The following RAB7A variants were observed in gnomAD, a reference collection of about 807,000 sequenced individuals.
The protein encoded by RAB7A is ras-related protein Rab-7a.
Under a neutral mutation model 24.5 loss-of-function variants are expected in RAB7A, and 2 were observed. That is an observed-to-expected ratio of 0.08 (90% CI 0.03 to 0.26). RAB7A has a LOEUF of 0.26. RAB7A is among the 10% of genes least tolerant of loss of function. The pLI is 1.00. For synonymous variants in RAB7A, 100 were observed against 95.9 expected, an observed-to-expected ratio of 1.04 and a Z score of -0.25; for missense variants, 118 against 255.7, an observed-to-expected ratio of 0.46 and a Z score of 3.67.
chr3:128,744,356 C>T (rs988584720), intron 1 of RAB7A, among the ~76,000 whole-genome samples: 1 of 152,166 alleles, frequency 6.6e-6, no homozygotes, highest in Admixed American at 6.5e-5. Context: ...TAGATTTGGG[C>T]AGACAGAAAG....
At chr3:128,764,776 A>G in intron 1 of RAB7A, 1 of 830,976 alleles carries the variant, frequency 1.2e-6, no homozygotes, top group Non-Finnish European at 2.1e-6. Context: ...CTGAAGGAAG[A>G]TTTGGCCACC....
intron 1 of RAB7A, among the ~76,000 whole-genome samples, chr3:128,756,267 C>T (rs1355342683): frequency 6.6e-6 from 1 of 151,884 alleles, no homozygotes; most frequent in African/African-American, 2.4e-5. Context: ...CGCTTGGAGG[C>T]AGGAGAATCG....
chr3:128,749,378 T>A (rs961071540), intron 1 of RAB7A: 3 of 152,254 alleles, frequency 2.0e-5, no homozygotes, highest in Admixed American at 6.5e-5. Flanking sequence ...GGAGCTCTGC[T>A]GAGCTTTGTG....
intron 1 of RAB7A, chr3:128,748,859 A>G (rs1316168832): frequency 6.6e-6 from 1 of 152,198 alleles, no homozygotes; most frequent in Non-Finnish European, 1.5e-5. Flanking sequence ...CAGTTCCACA[A>G]AGGTCAGTCT....
chr3:128,731,632 T>A lies in RAB7A; in HGVS notation c.-9+5273T>A, dbSNP rs921364039. Among the ~76,000 whole-genome samples the A allele has an allele frequency of 1.3e-4, 20 of 152,126 alleles. 1 individual carries two copies. Among genetic ancestry groups the A allele is most frequent in the Non-Finnish European group, 7.4e-5 (5 of 68,016 alleles). ...GTCAGTCTAGGTCTGCTAACTCAGT[T>A]CAGTGCTCTTTCTGATGTACCATCC... On this transcript the variant is annotated intron_variant, in intron 1 of 5. Transcript: ENST00000265062.
intron 1 of RAB7A, among the ~76,000 whole-genome samples, chr3:128,763,208 A>ATATATTTTTTTTTTTT (rs373993932): frequency 1.3e-5 from 1 of 76,108 alleles, no homozygotes; most frequent in African/African-American, 8.2e-5. Flanking sequence ...ATATATATAT[A>ATATATTTTTTTTTTTT]TTTTTTTTTT....
At chr3:128,737,812 C>G (rs1164046750) in intron 1 of RAB7A, among the ~76,000 whole-genome samples, 10 of 95,760 alleles carry the variant, frequency 1.0e-4, no homozygotes, top group Admixed American at 2.2e-4. Context: ...CCACATCTGG[C>G]TATTTTTTTG....
chr3:128,744,981 C>G (rs927075369), intron 1 of RAB7A, among the ~76,000 whole-genome samples: 3 of 150,612 alleles, frequency 2.0e-5, no homozygotes, highest in Non-Finnish European at 4.4e-5. Context: ...TCACACCATT[C>G]TCCTGCCTCA....
intron 1 of RAB7A, among the ~76,000 whole-genome samples, chr3:128,777,124 C>T (rs1485626481): frequency 6.6e-6 from 1 of 152,144 alleles, no homozygotes; most frequent in East Asian, 1.9e-4. Context: ...AAGCCCTTAT[C>T]AGATATATGT....
At chr3:128,730,750 A>T (rs147953811) in intron 1 of RAB7A, among the ~76,000 whole-genome samples, 1 of 152,232 alleles carries the variant, frequency 6.6e-6, no homozygotes, top group Non-Finnish European at 1.5e-5. Context: ...GTTGGTTCCA[A>T]TGCTGACCTA....
chr3:128,728,596 G>C (rs554265660), intron 1 of RAB7A, among the ~76,000 whole-genome samples: 1 of 152,158 alleles, frequency 6.6e-6, no homozygotes, highest in Admixed American at 6.5e-5. Flanking sequence ...CCGAGTGGCT[G>C]GAATTACAGG....
At chr3:128,769,626 G>A (rs982400749) in intron 1 of RAB7A, among the ~76,000 whole-genome samples, 3 of 152,188 alleles carry the variant, frequency 2.0e-5, no homozygotes, top group Non-Finnish European at 4.4e-5. Flanking sequence ...AGCTCTTAGT[G>A]TTGATGAAGT....
chr3:128,746,563 C>G (rs548965214), intron 1 of RAB7A, among the ~76,000 whole-genome samples: 3 of 151,522 alleles, frequency 2.0e-5, no homozygotes, highest in African/African-American at 7.3e-5. Flanking sequence ...GAGTCTCGCT[C>G]TGTCTCCCAG....
Position 128,727,611 on chromosome 3 carries a change from A to G in RAB7A, c.-9+1252A>G, listed in dbSNP as rs180824625. ...AGGGTACTTAACTGAGGTTTGAAAAATTTTGCAGGTAGGCCTGGCAAACCT... is the reference window on the plus strand; with the variant it reads ...AGGGTACTTAACTGAGGTTTGAAAAGTTTTGCAGGTAGGCCTGGCAAACCT... On this transcript the variant is annotated intron_variant, in intron 1 of 5. Transcript: ENST00000265062. 2.8e-3 allele frequency among the ~76,000 whole-genome samples: 429 copies of G among 152,312 alleles called. 1 individual carries two copies. The highest frequency in any genetic ancestry group is 0.01 in the Middle Eastern group (3 of 294).
In RAB7A at chr3:128,795,467, CCT is replaced by C. The variant is rs1933546047; in HGVS notation, c.53+52_53+53del. 4 of 1,545,486 alleles carry C rather than the reference CCT, an allele frequency of 2.6e-6. No homozygotes were observed. In the Middle Eastern group the frequency reaches 6.7e-4, roughly 260 times the overall value. ...GCTAACAGATTGGCTTAGAGCTAAG[CCT>C]CTCTGCTGTGGAGCCCACACTGTCC... On this transcript the variant is annotated intron_variant, in intron 2 of 5. Coordinates refer to ENST00000265062, the MANE Select transcript of RAB7A (RefSeq NM_004637.6).
chr3:128,790,794 G>T (rs566960340), intron 1 of RAB7A, among the ~76,000 whole-genome samples: 2 of 152,166 alleles, frequency 1.3e-5, no homozygotes, highest in East Asian at 3.9e-4. Context: ...CAAGTCTCTT[G>T]TCATTTGTGT....
intron 3 of RAB7A, 122 bp from the exon 4 acceptor site, chr3:128,806,250 G>C: frequency 2.6e-6 from 2 of 779,872 alleles, no homozygotes; most frequent in Non-Finnish European, 4.1e-6. Context: ...CTGAAGTCTG[G>C]TGTCATTTGT....
At chr3:128,786,854 A>G (rs1211477879) in intron 1 of RAB7A, among the ~76,000 whole-genome samples, 1 of 152,358 alleles carries the variant, frequency 6.6e-6, no homozygotes, top group Middle Eastern at 3.4e-3. Context: ...TCATCTCATC[A>G]TAATTGAAAA....
intron 1 of RAB7A, among the ~76,000 whole-genome samples, chr3:128,768,724 A>ATTTTTTTT (rs2070855842): frequency 7.0e-6 from 1 of 143,424 alleles, no homozygotes; most frequent in African/African-American, 2.6e-5. Context: ...ACACCTGGCT[A>ATTTTTTTT]ATTTTTTTTT....
Sources: gnomAD v4.1 joint callset for allele counts (sites outside exome capture counted in the v4.1 genomes callset) on GRCh38, gnomAD v4.1.1 for gene constraint, MANE v1.5 for transcripts, NCBI Gene and HGNC (gene_info 2026-07-23, HGNC 2026-07-21) for gene names.